CACNA1C: variants seen among roughly 807,000 people sequenced by gnomAD.
The protein encoded by CACNA1C is voltage-dependent L-type calcium channel subunit alpha-1C.
In CACNA1C, 30 loss-of-function variants were observed where a neutral mutation model predicts 229.0. The observed-to-expected ratio is 0.13, with a 90% CI of 0.10 to 0.18. The LOEUF is 0.18. Among genes scored for constraint, CACNA1C ranks in the 10% least tolerant of loss-of-function variants. CACNA1C has a pLI of 1.00. For missense variants in CACNA1C, 1,658 were observed against 2,845.0 expected (o/e 0.58, Z 9.49); for synonymous variants, 1,114 against 1,132.5 (o/e 0.98, Z 0.33).
At chr12:2,068,932 T>C (rs920094996) in intron 1 of CACNA1C, among the ~76,000 whole-genome samples, 2 of 152,210 alleles carry the variant, frequency 1.3e-5, no homozygotes, top group East Asian at 3.8e-4. Context: ...AGGGTATCAG[T>C]TGGGGAATGA....
At chr12:2,193,513 G>A (rs978983931) in intron 3 of CACNA1C, among the ~76,000 whole-genome samples, 1 of 152,202 alleles carries the variant, frequency 6.6e-6, no homozygotes, top group Non-Finnish European at 1.5e-5. Flanking sequence ...CCCTGTAGAG[G>A]CTGGTGTTGA....
At chr12:2,031,506 T>G (rs988623415) in intron 1 of CACNA1C, among the ~76,000 whole-genome samples, 9 of 152,204 alleles carry the variant, frequency 5.9e-5, no homozygotes, top group African/African-American at 2.2e-4. Flanking sequence ...GTCTTTTGTT[T>G]GAACAAAAGA....
Position 2,608,328 on chromosome 12 carries a change from G to A in CACNA1C, c.3357-183G>A, listed in dbSNP as rs1269472765. Among the ~76,000 whole-genome samples, 1 of 152,174 alleles carries A rather than the reference G, an allele frequency of 6.6e-6. No individual in the cohort carries two copies. The highest frequency in any genetic ancestry group is 1.5e-5 in the Non-Finnish European group (1 of 68,036). On this transcript the variant is annotated intron_variant, in intron 26 of 46. Coordinates refer to ENST00000399655, the MANE Select transcript of CACNA1C (RefSeq NM_000719.7). The surrounding 1 kb of genome is among the most constrained non-coding windows in gnomAD (Gnocchi z 4.2). Reference sequence around the variant, plus strand: ...TCCAATTTACAGATGAAGAATCTGAGTCTCAGAGAGGTTAAACGCTTTGCC... The same window carrying A: ...TCCAATTTACAGATGAAGAATCTGAATCTCAGAGAGGTTAAACGCTTTGCC...
intron 34 of CACNA1C, among the ~76,000 whole-genome samples, chr12:2,661,222 A>G (rs982800251): frequency 2.0e-5 from 3 of 151,644 alleles, no homozygotes; most frequent in Non-Finnish European, 4.4e-5. Context: ...AGATGGCTCC[A>G]CTGCACTCCA....
intron 1 of CACNA1C, chr12:1,993,102 T>G: frequency 1.1e-6 from 1 of 899,556 alleles, no homozygotes; most frequent in Middle Eastern, 2.1e-4. Flanking sequence ...ATCTATTCCA[T>G]CATTAGGGCA....
At chr12:2,222,387 G>A (rs770581386) in intron 3 of CACNA1C, 2 of 152,184 alleles carry the variant, frequency 1.3e-5, no homozygotes, top group South Asian at 2.1e-4. Context: ...TCTTGAACAC[G>A]ACGCTTAACC....
intron 3 of CACNA1C, among the ~76,000 whole-genome samples, chr12:2,427,125 G>A (rs2099039907): frequency 6.6e-6 from 1 of 152,186 alleles, no homozygotes; most frequent in Non-Finnish European, 1.5e-5. Context: ...TAGAAAGGAT[G>A]TAATGAGCTA....
At chr12:2,172,824 T>C (rs945657599) in intron 3 of CACNA1C, among the ~76,000 whole-genome samples, 9 of 152,244 alleles carry the variant, frequency 5.9e-5, no homozygotes, top group African/African-American at 2.2e-4. Context: ...AGACTTACCC[T>C]GATGGACCTT....
chr12:2,492,807 C>A (rs2099738894), intron 6 of CACNA1C, among the ~76,000 whole-genome samples: 1 of 152,192 alleles, frequency 6.6e-6, no homozygotes, highest in Non-Finnish European at 1.5e-5. Flanking sequence ...ATATGGACTT[C>A]TAATCGCTTT....
intron 9 of CACNA1C, chr12:2,547,446 AAAGGAGGCACT>A: frequency 1.3e-6 from 1 of 779,602 alleles, no homozygotes; most frequent in Non-Finnish European, 2.4e-6. Context: ...CTTGTCTGTG[AAAGGAGGCACT>A]CCGGCGGGCA....
At chr12:2,052,417 C>T (rs920885520), upstream of CACNA1C, among the ~76,000 whole-genome samples, 2 of 152,054 alleles carry the variant, frequency 1.3e-5, no homozygotes, top group Non-Finnish European at 2.9e-5. Flanking sequence ...TTCAGTGGCC[C>T]GATCCGAAAC....
intron 3 of CACNA1C, among the ~76,000 whole-genome samples, chr12:2,229,252 A>C (rs1436883860): frequency 6.6e-6 from 1 of 152,168 alleles, no homozygotes; most frequent in Admixed American, 6.5e-5. Flanking sequence ...TGAAAGAATT[A>C]ATTAGACACT....
chr12:2,690,901 T>G lies in CACNA1C; in HGVS notation c.6119T>G (p.Val2040Gly), dbSNP rs1288222488. Residue 2040 changes from valine to glycine, a missense_variant and splice_region_variant, in exon 47 of 47, where the codon GTC becomes GGC. Physicochemically the swap from Val to Gly is moderately radical, Grantham distance 109 (BLOSUM62 -3). This residue lies in a region of CACNA1C where 590 missense variants were observed against 700.8 expected (regional missense o/e 0.84). Coordinates refer to ENST00000399655, the MANE Select transcript of CACNA1C (RefSeq NM_000719.7). ...HGSASSLVEA[V>G]LISEGLGQFA... Reference sequence around the variant, plus strand: ...ATGGCTCCCACCCCGCTCCTTCAGGTCTTGATTTCAGAAGGACTGGGGCAG... The same window carrying G: ...ATGGCTCCCACCCCGCTCCTTCAGGGCTTGATTTCAGAAGGACTGGGGCAG... 1.3e-6 allele frequency: 2 copies of G among 1,565,782 alleles called. No homozygotes were observed. Among genetic ancestry groups the G allele is most frequent in the Non-Finnish European group, 1.7e-6 (2 of 1,151,812 alleles).
At chr12:2,662,463 T>G (rs879318536) in intron 34 of CACNA1C, among the ~76,000 whole-genome samples, 4 of 152,196 alleles carry the variant, frequency 2.6e-5, no homozygotes, top group African/African-American at 9.7e-5. Context: ...TAAAATATAA[T>G]GTTGAAACTA....
intron 13 of CACNA1C, 104 bp downstream of exon 13, chr12:2,567,898 T>G: frequency 1.6e-6 from 1 of 640,458 alleles, no homozygotes; most frequent in Non-Finnish European, 2.8e-6. Flanking sequence ...CTGTTCTTCC[T>G]CAAAGGGTGT....
intron 5 of CACNA1C, among the ~76,000 whole-genome samples, chr12:2,462,502 T>C (rs2099517148): frequency 6.6e-6 from 1 of 152,198 alleles, no homozygotes; most frequent in African/African-American, 2.4e-5. Context: ...ACCCCTTACC[T>C]CATGAGAATG....
At chr12:2,681,247 C>T (rs1271189832) in intron 42 of CACNA1C, among the ~76,000 whole-genome samples, 1 of 152,106 alleles carries the variant, frequency 6.6e-6, no homozygotes, top group African/African-American at 2.4e-5. Context: ...GGGAGGAGAC[C>T]CCAGGGGATT....
chr12:2,518,962 G>A (rs565329630), intron 9 of CACNA1C, among the ~76,000 whole-genome samples: 1 of 152,316 alleles, frequency 6.6e-6, no homozygotes, highest in South Asian at 2.1e-4. Flanking sequence ...CCCAAGGTGG[G>A]AAACAGCCAC....
At chr12:2,252,056 T>C (rs2075780525) in intron 3 of CACNA1C, among the ~76,000 whole-genome samples, 1 of 152,254 alleles carries the variant, frequency 6.6e-6, no homozygotes. Context: ...TGAAGCTGTG[T>C]AGCCCACTCC....
Sources: allele counts gnomAD v4.1 joint callset (sites outside exome capture counted in the v4.1 genomes callset), GRCh38; gene constraint gnomAD v4.1.1; regional missense constraint gnomAD v4.1.1; non-coding constraint Gnocchi (gnomAD v3.1); transcripts MANE v1.5; gene names NCBI Gene and HGNC (gene_info 2026-07-23, HGNC 2026-07-21).